Variants in RNF185 observed in about 807,000 individuals in gnomAD.
RNF185 encodes ring finger protein 185.
RNF185 carries 13 observed loss-of-function variants against 24.9 expected under a neutral mutation model. The observed-to-expected ratio is 0.52, with a 90% CI of 0.34 to 0.83. The LOEUF is 0.83. Ranked by LOEUF, RNF185 falls within the 40% of genes least tolerant of loss-of-function variation. The pLI is 0.01. For synonymous variants in RNF185, 79 were observed against 90.3 expected (o/e 0.88, Z 0.71); for missense variants, 184 against 244.7 (o/e 0.75, Z 1.65).
chr22:31,203,547 A>G (rs1168201455), intron 6 of RNF185, among the ~76,000 whole-genome samples: 1 of 152,236 alleles, frequency 6.6e-6, no homozygotes, highest in Non-Finnish European at 1.5e-5. Flanking sequence ...AATAACATGT[A>G]CAAAACACTT....
chr22:31,202,452 T>A (rs138758333), intron 6 of RNF185, among the ~76,000 whole-genome samples: 55 of 151,612 alleles, frequency 3.6e-4, no homozygotes, highest in African/African-American at 1.3e-3. Context: ...GGTAACTGGG[T>A]CATCCCAGTT....
At position 31,206,226 on chromosome 22, in the gene RNF185, C is replaced by T. The variant is rs1391144316; in HGVS notation, c.*1640C>T. 1 of 152,548 alleles carries T rather than the reference C, an allele frequency of 6.6e-6. No individual in the cohort carries two copies. The highest frequency in any genetic ancestry group is 6.6e-5 in the Admixed American group (1 of 15,256). The allele number at this position is 152,548 out of a possible 1,614,324, so 9.4% of individuals were successfully genotyped here. On this transcript the variant is annotated 3_prime_UTR_variant, in exon 7 of 7. Transcript: ENST00000326132. The stretch of plus-strand genomic sequence containing the variant: ...CAGTCCCCATCTCTTCTCCTTTGTA[C>T]CTGTCAACACCAGAGTTCAGTGTTT...
chr22:31,200,674 A>C (rs928918000), intron 5 of RNF185, among the ~76,000 whole-genome samples: 2 of 152,234 alleles, frequency 1.3e-5, no homozygotes, highest in Non-Finnish European at 2.9e-5. Context: ...GTGATATACC[A>C]AACTGCTGAT....
intron 4 of RNF185, among the ~76,000 whole-genome samples, chr22:31,196,142 T>C (rs946045369): frequency 6.6e-6 from 1 of 152,196 alleles, no homozygotes; most frequent in African/African-American, 2.4e-5. Context: ...TATCAGCCTG[T>C]GTATTTGCTC....
At chr22:31,189,466 T>C (rs2048134703) in intron 2 of RNF185, among the ~76,000 whole-genome samples, 1 of 150,546 alleles carries the variant, frequency 6.6e-6, no homozygotes. Context: ...TAATTTTCTT[T>C]TTGTATTTTT....
rs186234657 is a variant in RNF185 at position 31,205,542 on chromosome 22, C to G, written c.*956C>G. On this transcript the variant is annotated 3_prime_UTR_variant, in exon 7 of 7. Transcript: ENST00000326132. ...AGCTTGAATGCATCCTCTCCCAGAA[C>G]CTGCCACAGGAAACTGGGGGCTTTG... The G allele has an allele frequency of 6.6e-6, 1 of 151,750 alleles. No homozygotes were observed. The highest frequency in any genetic ancestry group is 1.5e-5 in the Non-Finnish European group (1 of 67,882). The allele number at this position is 151,750 out of a possible 1,614,324, so 9.4% of individuals were successfully genotyped here. A position where few individuals can be genotyped will look rare whatever the true frequency, so the allele number is the denominator to read the frequency against.
intron 1 of RNF185, among the ~76,000 whole-genome samples, chr22:31,181,536 T>C (rs2048036499): frequency 2.0e-5 from 3 of 152,146 alleles, no homozygotes; most frequent in African/African-American, 7.2e-5. Context: ...TTCAAAAATA[T>C]GTGTCTCTAC....
chr22:31,171,282 G>A (rs1264731456), intron 1 of RNF185, among the ~76,000 whole-genome samples: 2 of 151,398 alleles, frequency 1.3e-5, no homozygotes, highest in Admixed American at 6.6e-5. Context: ...TGATTCTCCC[G>A]CCTCAGCCTC....
At chr22:31,201,745 C>T in intron 6 of RNF185, 130 bp downstream of exon 6, 1 of 695,766 alleles carries the variant, frequency 1.4e-6, no homozygotes, top group East Asian at 2.5e-5. Flanking sequence ...TTCAAAATAT[C>T]TTAAGCTGTT....
chr22:31,193,236 G>A (rs897573050), intron 3 of RNF185, among the ~76,000 whole-genome samples: 2 of 152,172 alleles, frequency 1.3e-5, no homozygotes, highest in Non-Finnish European at 2.9e-5. Context: ...TACCACACTC[G>A]TAGGTGGCCT....
chr22:31,163,182 A>C (rs1568956718), intron 1 of RNF185, among the ~76,000 whole-genome samples: 1 of 152,222 alleles, frequency 6.6e-6, no homozygotes, highest in East Asian at 1.9e-4. Context: ...TTATATTCAT[A>C]TATATTTACA....
intron 2 of RNF185, among the ~76,000 whole-genome samples, chr22:31,190,152 C>T (rs962088625): frequency 3.3e-5 from 5 of 152,168 alleles, no homozygotes; most frequent in African/African-American, 1.2e-4. Context: ...ACATTTTGGT[C>T]AACAATGGAT....
chr22:31,189,135 ATGTGTG>A (rs202051750), intron 2 of RNF185, among the ~76,000 whole-genome samples: 68 of 136,904 alleles, frequency 5.0e-4, no homozygotes, highest in South Asian at 3.5e-3. Context: ...CAAAAAAAAA[ATGTGTG>A]TGTGTGTGTG....
chr22:31,193,897 A>T (rs953002148), intron 3 of RNF185, among the ~76,000 whole-genome samples: 8 of 143,554 alleles, frequency 5.6e-5, no homozygotes, highest in Middle Eastern at 3.3e-3. Context: ...AAGAAAATTA[A>T]TTTTTTTTTT....
chr22:31,173,262 A>T (rs1259716456), intron 1 of RNF185, among the ~76,000 whole-genome samples: 3 of 151,976 alleles, frequency 2.0e-5, no homozygotes, highest in Admixed American at 1.3e-4. Flanking sequence ...AAAAAAAAAA[A>T]ATTGACTCTA....
At chr22:31,171,554 C>A (rs2047929853) in intron 1 of RNF185, among the ~76,000 whole-genome samples, 1 of 152,098 alleles carries the variant, frequency 6.6e-6, no homozygotes, top group Non-Finnish European at 1.5e-5. Context: ...GTAACAAATA[C>A]AATGGAGGTG....
At chr22:31,175,379 G>A (rs765469233) in intron 1 of RNF185, among the ~76,000 whole-genome samples, 5 of 150,888 alleles carry the variant, frequency 3.3e-5, no homozygotes, top group Admixed American at 6.6e-5. Context: ...GCTTGAACCC[G>A]GTAGGTGGAG....
At chr22:31,173,982 G>A (rs927847011) in intron 1 of RNF185, among the ~76,000 whole-genome samples, 18 of 152,174 alleles carry the variant, frequency 1.2e-4, no homozygotes, top group African/African-American at 4.1e-4. Flanking sequence ...GGTTGCATAT[G>A]TCTATGAGGA....
rs2147952172 is a variant in RNF185 at position 31,191,228 on chromosome 22, A to T, written c.177-1456A>T. Among the ~76,000 whole-genome samples, 2 of 152,298 alleles carry T rather than the reference A, an allele frequency of 1.3e-5. 1 individual carries two copies. Among genetic ancestry groups the T allele is most frequent in the South Asian group, 4.1e-4 (2 of 4,828 alleles). On this transcript the variant is annotated intron_variant, in intron 2 of 6. Transcript: ENST00000326132. The stretch of plus-strand genomic sequence containing the variant: ...ATTCATTCACCTCCACTTCTCCCCT[A>T]GAGTCTTTAAGGGAACTTGCCAGTG...
Sources: allele counts gnomAD v4.1 joint callset (sites outside exome capture counted in the v4.1 genomes callset), GRCh38; gene constraint gnomAD v4.1.1; transcripts MANE v1.5; gene names NCBI Gene and HGNC (gene_info 2026-07-23, HGNC 2026-07-21).